The following ETS1 variants were observed in gnomAD, a reference collection of about 807,000 sequenced individuals.
ETS1 encodes protein C-ets-1.
Under a neutral mutation model 58.6 loss-of-function variants are expected in ETS1, and 15 were observed. The ratio of observed to expected loss-of-function variants is 0.26; its 90% confidence interval spans 0.17 to 0.39. The LOEUF (loss-of-function observed/expected upper bound fraction) is 0.39, where lower values mean the gene tolerates loss of function less well. Among genes scored for constraint, ETS1 ranks in the 10% least tolerant of loss-of-function variants. The pLI is 1.00. For synonymous variants in ETS1, 214 were observed against 218.2 expected (o/e 0.98, Z 0.17); for missense variants, 417 against 610.5 (o/e 0.68, Z 3.34).
chr11:128,494,405 G>C (rs946023756), intron 3 of ETS1, among the ~76,000 whole-genome samples: 3 of 152,230 alleles, frequency 2.0e-5, no homozygotes, highest in Non-Finnish European at 4.4e-5. Context: ...AATAACCATT[G>C]CAGGAGATTG....
chr11:128,497,655 G>A (rs1375963287), intron 3 of ETS1: 22 of 906,570 alleles, frequency 2.4e-5, no homozygotes, highest in Admixed American at 6.2e-5. Flanking sequence ...GTTGTAATTC[G>A]GCAGCGCCGG....
chr11:128,553,813 A>T (rs901380802), intron 3 of ETS1, among the ~76,000 whole-genome samples: 2 of 152,082 alleles, frequency 1.3e-5, no homozygotes, highest in Non-Finnish European at 2.9e-5. Flanking sequence ...ACAGATGTGT[A>T]GTCCTTGGAA....
intron 3 of ETS1, among the ~76,000 whole-genome samples, chr11:128,551,610 C>G (rs1054119174): frequency 6.6e-6 from 1 of 152,082 alleles, no homozygotes; most frequent in Admixed American, 6.5e-5. Context: ...AATGTACACC[C>G]ACACACACAC....
intron 2 of ETS1, among the ~76,000 whole-genome samples, chr11:128,564,746 C>T (rs1459274188): frequency 6.6e-6 from 1 of 152,112 alleles, no homozygotes; most frequent in African/African-American, 2.4e-5. Context: ...ATGAAGCCTT[C>T]AGAAGCCCAG....
At position 128,463,182 on chromosome 11, in the gene ETS1, G is replaced by A. The variant is rs116120832; in HGVS notation, c.1242+327C>T. Among the ~76,000 whole-genome samples, 2,031 of 152,258 alleles carry A rather than the reference G, an allele frequency of 0.013. 34 individuals are homozygous for A. The highest frequency in any genetic ancestry group is 0.045 in the African/African-American group (1,882 of 41,522). ...CTCCCAAGGCCTCTTGAACTGTCTG[G>A]CCCCTTTCACACTCACAGAGCCACC... On this transcript the variant is annotated intron_variant, in intron 9 of 9. Transcript: ENST00000392668. The surrounding 1 kb of genome is among the most constrained non-coding windows in gnomAD (Gnocchi z 4.1).
At position 128,483,528 on chromosome 11, in the gene ETS1, A is replaced by G. The variant is rs1027583525; in HGVS notation, c.862+1295T>C. Among the ~76,000 whole-genome samples the G allele has an allele frequency of 4.6e-5, 7 of 152,220 alleles. No homozygotes were observed. In the East Asian group the frequency reaches 1.3e-3, roughly 29 times the overall value. On this transcript the variant is annotated intron_variant, in intron 7 of 9. Transcript: ENST00000392668. The stretch of plus-strand genomic sequence containing the variant: ...TATTTAAATAGACATGCACCCAAAA[A>G]TAAAAAAGAGCCAGAAAGGGGAAGG...
At chr11:128,491,573 G>C (rs1312156202) in intron 3 of ETS1, among the ~76,000 whole-genome samples, 1 of 152,232 alleles carries the variant, frequency 6.6e-6, no homozygotes, top group Non-Finnish European at 1.5e-5. Flanking sequence ...AGTCCTCAGA[G>C]CAGGGACATC....
intron 3 of ETS1, among the ~76,000 whole-genome samples, chr11:128,541,604 CTTTTG>C (rs941639303): frequency 1.4e-4 from 22 of 152,264 alleles, no homozygotes; most frequent in African/African-American, 5.3e-4. Flanking sequence ...GTGTTGTTTT[CTTTTG>C]TTTTGTTTTA....
rs59362185 is a variant in ETS1 at position 128,465,902 on chromosome 11, T to C, written c.1124-2275A>G. Among the ~76,000 whole-genome samples the C allele has an allele frequency of 1.7e-3, 259 of 152,328 alleles. 4 individuals are homozygous for C. The highest frequency in any genetic ancestry group is 6.0e-3 in the African/African-American group (249 of 41,586). On this transcript the variant is annotated intron_variant, in intron 8 of 9. Coordinates refer to ENST00000392668, the MANE Select transcript of ETS1 (RefSeq NM_001143820.2). ...CTGACACACTGCAAGGCCATTTAGATCAGCAGTGGAGTAGCCGGGACTGGA... is the reference window on the plus strand; with the variant it reads ...CTGACACACTGCAAGGCCATTTAGACCAGCAGTGGAGTAGCCGGGACTGGA...
At chr11:128,553,777 C>T (rs936661347) in intron 3 of ETS1, among the ~76,000 whole-genome samples, 1 of 151,904 alleles carries the variant, frequency 6.6e-6, no homozygotes, top group Non-Finnish European at 1.5e-5. Context: ...CCTTGATGGC[C>T]CCTCCTGTCA....
intron 3 of ETS1, among the ~76,000 whole-genome samples, chr11:128,535,501 C>T (rs948126126): frequency 1.3e-5 from 2 of 152,032 alleles, no homozygotes; most frequent in East Asian, 1.9e-4. Flanking sequence ...AATCTTTGCC[C>T]GTGCCTGAAT....
chr11:128,575,307 T>TTC lies in ETS1; in HGVS notation c.-14-2165_-14-2164dup, dbSNP rs10531263. On this transcript the variant is annotated intron_variant, in intron 1 of 9. Transcript: ENST00000392668. ...TGTGATAAAAGTTATTGAATGTGGT[T>TTC]TCTCTCTCTCTCTCTCTCTCAAAAT... Among the ~76,000 whole-genome samples, 24 of 146,980 alleles carry TTC rather than the reference T, an allele frequency of 1.6e-4. No homozygotes were observed. The East Asian group carries it at 1.7e-3, about 11-fold the overall frequency.
At chr11:128,503,953 T>C (rs888536544) in intron 3 of ETS1, among the ~76,000 whole-genome samples, 2 of 152,138 alleles carry the variant, frequency 1.3e-5, no homozygotes, top group African/African-American at 2.4e-5. Flanking sequence ...AAACCGATGG[T>C]GCCGCCCCAA....
rs527883128 is a variant in ETS1 at position 128,492,036 on chromosome 11, A to G, written c.215-1460T>C. Among the ~76,000 whole-genome samples, 18 of 152,360 alleles carry G rather than the reference A, an allele frequency of 1.2e-4. No individual in the cohort carries two copies. In the East Asian group the frequency reaches 2.5e-3, roughly 21 times the overall value. Reference sequence around the variant, plus strand: ...AGTTTCCCACAAAAAGTGAATAAGCAAAGAAATGAGCTGAGAATCCCTACT... The same window carrying G: ...AGTTTCCCACAAAAAGTGAATAAGCGAAGAAATGAGCTGAGAATCCCTACT... On this transcript the variant is annotated intron_variant, in intron 3 of 9. Coordinates refer to ENST00000392668, the MANE Select transcript of ETS1 (RefSeq NM_001143820.2).
At chr11:128,547,372 G>A (rs2135548297) in intron 3 of ETS1, among the ~76,000 whole-genome samples, 1 of 152,292 alleles carries the variant, frequency 6.6e-6, no homozygotes, top group East Asian at 1.9e-4. Flanking sequence ...ATTTCAGCAG[G>A]ATCACACTTT....
chr11:128,572,636 C>G (rs1025476277), intron 2 of ETS1, among the ~76,000 whole-genome samples: 5 of 152,130 alleles, frequency 3.3e-5, no homozygotes, highest in Non-Finnish European at 7.4e-5. Flanking sequence ...TGTCATATTC[C>G]ATTTTCACTT....
At chr11:128,538,739 CACACACAT>C (rs2135539436) in intron 3 of ETS1, among the ~76,000 whole-genome samples, 2 of 147,078 alleles carry the variant, frequency 1.4e-5, no homozygotes, top group Non-Finnish European at 3.0e-5. Context: ...AACACACACA[CACACACAT>C]ACACACATAC....
At chr11:128,523,818 G>A (rs1055325632) in intron 3 of ETS1, among the ~76,000 whole-genome samples, 2 of 152,196 alleles carry the variant, frequency 1.3e-5, no homozygotes, top group Admixed American at 1.3e-4. Context: ...AGAAAACAAT[G>A]CTGGCCTCCA....
chr11:128,506,360 A>C (rs1863233292), intron 3 of ETS1, among the ~76,000 whole-genome samples: 1 of 152,208 alleles, frequency 6.6e-6, no homozygotes, highest in South Asian at 2.1e-4. Flanking sequence ...CCCAACAATG[A>C]ATACCTTGGT....
Sources: allele counts gnomAD v4.1 joint callset (sites outside exome capture counted in the v4.1 genomes callset), GRCh38; gene constraint gnomAD v4.1.1; non-coding constraint Gnocchi (gnomAD v3.1); transcripts MANE v1.5; gene names NCBI Gene and HGNC (gene_info 2026-07-23, HGNC 2026-07-21).